PVR: variants seen among roughly 807,000 people sequenced by gnomAD.
PVR encodes poliovirus receptor.
Under a neutral mutation model 43.3 loss-of-function variants are expected in PVR, and 39 were observed. The ratio of observed to expected loss-of-function variants is 0.90; its 90% CI spans 0.70 to 1.18. The LOEUF (loss-of-function observed/expected upper bound fraction) is 1.18, where lower values mean the gene tolerates loss of function less well. Ranked by LOEUF, PVR falls within the 50% of genes most tolerant of loss-of-function variation. The pLI, the probability that PVR is intolerant of heterozygous loss-of-function variation, is 0.00. For missense variants in PVR, 480 were observed against 549.7 expected, an observed-to-expected ratio of 0.87 and a Z score of 1.27; for synonymous variants, 224 against 233.2, an observed-to-expected ratio of 0.96 and a Z score of 0.36.
intron 6 of PVR, among the ~76,000 whole-genome samples, chr19:44,660,688 A>T (rs1439432715): frequency 6.6e-6 from 1 of 151,820 alleles, no homozygotes; most frequent in Non-Finnish European, 1.5e-5. Context: ...ACGCCTGGCT[A>T]ATTTTTTATA....
Position 44,661,935 on chromosome 19 carries a change from C to T in PVR, c.*124C>T. 1 of 883,314 alleles carries T rather than the reference C, an allele frequency of 1.1e-6. No homozygotes were observed. The highest frequency in any genetic ancestry group is 1.8e-6 in the Non-Finnish European group (1 of 564,288). The allele number at this position is 883,314 out of a possible 1,614,324, so 54.7% of individuals were successfully genotyped here. ...GACCAGCCTCCCTCCCTGTGCCAGACCTCAAAACGACGGGGGCAGGTGCAA... is the reference window on the plus strand; with the variant it reads ...GACCAGCCTCCCTCCCTGTGCCAGATCTCAAAACGACGGGGGCAGGTGCAA... On this transcript the variant is annotated 3_prime_UTR_variant, in exon 8 of 8. Transcript: ENST00000425690.
chr19:44,648,948 T>C (rs1167367709), intron 2 of PVR, among the ~76,000 whole-genome samples: 2 of 152,150 alleles, frequency 1.3e-5, no homozygotes, highest in East Asian at 3.9e-4. Flanking sequence ...AGGATGATGA[T>C]TAAGAGATGG....
In PVR at chr19:44,644,114, C is replaced by A. The variant is rs1264487512; in HGVS notation, c.18C>A (p.Ala6=). Residue 6 remains alanine, a synonymous_variant, in exon 1 of 8, where the codon GCC becomes GCA. Coordinates refer to ENST00000425690, the MANE Select transcript of PVR (RefSeq NM_006505.5). The part of the protein sequence containing the change: MARAM[A]AAWPLLLVAL... ...CAACTGGCATGGCCCGAGCCATGGC[C>A]GCCGCGTGGCCGCTGCTGCTGGTGG... 1.3e-6 allele frequency: 2 copies of A among 1,518,258 alleles called. No individual in the cohort carries two copies. The highest frequency in any genetic ancestry group is 1.8e-6 in the Non-Finnish European group (2 of 1,138,752). The allele number at this position is 1,518,258 out of a possible 1,614,324, so 94.0% of individuals were successfully genotyped here.
In PVR at chr19:44,647,440, G is replaced by T; in HGVS notation, c.297G>T (p.Leu99=). The change falls in exon 2 of 8, where the codon CTG becomes CTT. Residue 99 remains leucine (L), a synonymous_variant. Coordinates refer to ENST00000425690, the MANE Select transcript of PVR (RefSeq NM_006505.5). The part of the protein sequence containing the change: ...SKRLEFVAAR[L]GAELRNASLR... Reference sequence around the variant, plus strand: ...GGCTGGAATTCGTGGCAGCCAGACTGGGCGCGGAGCTGCGGAATGCCTCGC... The same window carrying T: ...GGCTGGAATTCGTGGCAGCCAGACTTGGCGCGGAGCTGCGGAATGCCTCGC... The T allele has an allele frequency of 6.2e-7, 1 of 1,614,098 alleles. No homozygotes were observed. The highest frequency in any genetic ancestry group is 1.1e-5 in the South Asian group (1 of 91,068).
chr19:44,657,866 A>G lies in PVR; in HGVS notation c.947A>G (p.Asn316Ser), dbSNP rs138415573. The G allele has an allele frequency of 2.6e-4, 414 of 1,613,958 alleles. No individual in the cohort carries two copies. The African/African-American group carries it at 4.6e-3, about 18-fold the overall frequency. Residue 316 changes from asparagine to serine, a missense_variant, in exon 5 of 8, where the codon AAT (asparagine) becomes AGT (serine). Asn to Ser is a conservative substitution (Grantham distance 46). Coordinates refer to ENST00000425690, the MANE Select transcript of PVR (RefSeq NM_006505.5). ...ACAACTTTAATCTGCAACGTCACCA[A>G]TGCCCTAGGAGCTCGCCAGGCAGAA... ...INTTLICNVT[N>S]ALGARQAELT...
intron 4 of PVR, among the ~76,000 whole-genome samples, chr19:44,656,394 G>T (rs148952327): frequency 6.6e-6 from 1 of 152,192 alleles, no homozygotes; most frequent in Non-Finnish European, 1.5e-5. Flanking sequence ...TCAAAGCACC[G>T]CAATTCAGGC....
intron 7 of PVR, among the ~76,000 whole-genome samples, chr19:44,661,524 G>A (rs1973589695): frequency 6.6e-6 from 1 of 152,086 alleles, no homozygotes; most frequent in African/African-American, 2.4e-5. Flanking sequence ...GGTCTGTGAT[G>A]GGGCCAGGGA....
chr19:44,647,077 T>TTCCCCCCCC, intron 1 of PVR, 146 bp from the exon 2 acceptor site: 1 of 311,374 alleles, frequency 3.2e-6, no homozygotes, highest in Non-Finnish European at 5.7e-6. Context: ...GTGCCCCAGT[T>TTCCCCCCCC]CCCCCTCCCC....
In PVR at chr19:44,658,917, C is replaced by G. The variant is rs1973526039; in HGVS notation, c.1150+17C>G. On this transcript the variant is annotated intron_variant, in intron 6 of 7. Transcript: ENST00000425690. The stretch of plus-strand genomic sequence containing the variant: ...GTCCCTCGAGTGAGCATCACCAGAG[C>G]TGCCGTAATTGAGCACCTACTACGG... The G allele has an allele frequency of 6.2e-7, 1 of 1,611,790 alleles. No individual in the cohort carries two copies. The highest frequency in any genetic ancestry group is 1.1e-5 in the South Asian group (1 of 90,872).
At chr19:44,650,202 A>T in intron 3 of PVR, 97 bp downstream of exon 3, 1 of 1,207,174 alleles carries the variant, frequency 8.3e-7, no homozygotes, top group Non-Finnish European at 1.1e-6. Context: ...CATTGCTTCC[A>T]TCATCTGCAC....
chr19:44,662,076 TCAG>T lies in PVR; in HGVS notation c.*268_*270del. ...TACAGTAAAAGGACAGAGATTAAGATCAGCAAAGGGAGGAGGTGCACAGCACAC... is the reference window on the plus strand; with the variant it reads ...TACAGTAAAAGGACAGAGATTAAGATCAAAGGGAGGAGGTGCACAGCACAC... On this transcript the variant is annotated 3_prime_UTR_variant, in exon 8 of 8. Transcript: ENST00000425690. The T allele has an allele frequency of 2.0e-6, 1 of 492,658 alleles. No individual in the cohort carries two copies. Among genetic ancestry groups the T allele is most frequent in the South Asian group, 2.7e-5 (1 of 37,272 alleles). 30.5% of individuals were successfully genotyped at this position (492,658 alleles called of 1,614,324 possible).
chr19:44,649,696 T>C (rs972385051), intron 2 of PVR, 113 bp from the exon 3 acceptor site: 4 of 1,170,550 alleles, frequency 3.4e-6, no homozygotes, highest in Non-Finnish European at 4.9e-6. Flanking sequence ...TCTGGGATTA[T>C]AGGCGTGAGC....
chr19:44,644,322 A>G, intron 1 of PVR, 147 bp downstream of exon 1: 2 of 613,134 alleles, frequency 3.3e-6, no homozygotes, highest in Non-Finnish European at 5.3e-6. Flanking sequence ...TGGAAGGAAC[A>G]CGGTGCGAGG....
chr19:44,651,711 A>G (rs575293139), intron 3 of PVR, among the ~76,000 whole-genome samples: 1 of 152,100 alleles, frequency 6.6e-6, no homozygotes, highest in East Asian at 1.9e-4. Context: ...CGTTACCTCC[A>G]CCAGCTCCCT....
intron 3 of PVR, among the ~76,000 whole-genome samples, chr19:44,651,482 C>T (rs1973279165): frequency 6.6e-6 from 1 of 152,158 alleles, no homozygotes; most frequent in Non-Finnish European, 1.5e-5. Flanking sequence ...CTGTCTCCGC[C>T]GGGTGCTAGT....
rs775167586 is a variant in PVR, at chr19:44,649,909, A to G, written c.528A>G (p.Gln176=). ...CCACAGGGGGTCGCCCGCCAGCCCA[A>G]ATCACCTGGCACTCAGACCTGGGCG... is the stretch of plus-strand genomic sequence containing the variant. ...CVSTGGRPPA[Q]ITWHSDLGGM... The change falls in exon 3 of 8, where the codon CAA becomes CAG. Residue 176 remains glutamine, a synonymous_variant. Coordinates refer to ENST00000425690, the MANE Select transcript of PVR (RefSeq NM_006505.5). 11 of 1,613,586 alleles carry G rather than the reference A, an allele frequency of 6.8e-6. No homozygotes were observed. The African/African-American group carries it at 9.3e-5, about 14-fold the overall frequency.
chr19:44,662,989 T>C lies in PVR; in HGVS notation c.*1178T>C, dbSNP rs1333634894. The C allele has an allele frequency of 6.6e-6, 1 of 152,108 alleles. No individual in the cohort carries two copies. The highest frequency in any genetic ancestry group is 1.5e-5 in the Non-Finnish European group (1 of 68,046). 9.4% of individuals were successfully genotyped at this position (152,108 alleles called of 1,614,324 possible). A position where few individuals can be genotyped will look rare whatever the true frequency, so the allele number is the denominator to read the frequency against. On this transcript the variant is annotated 3_prime_UTR_variant, in exon 8 of 8. Coordinates refer to ENST00000425690, the MANE Select transcript of PVR (RefSeq NM_006505.5). ...AAGGTTGTCAGCTGCAGCCACTTTC[T>C]GCCAGCATCTGCAGCCACTTTCTGC... is the stretch of plus-strand genomic sequence containing the variant.
chr19:44,646,469 A>G (rs1041831286), intron 1 of PVR, among the ~76,000 whole-genome samples: 3 of 152,200 alleles, frequency 2.0e-5, no homozygotes, highest in Admixed American at 2.0e-4. Context: ...CACTGGTGCG[A>G]TGAAAAAGTT....
intron 4 of PVR, among the ~76,000 whole-genome samples, chr19:44,657,463 C>G (rs1032468039): frequency 6.6e-6 from 1 of 152,180 alleles, no homozygotes; most frequent in Non-Finnish European, 1.5e-5. Context: ...AGGGCAGAAA[C>G]GGAGCCCAGC....
Sources: allele counts gnomAD v4.1 joint callset (sites outside exome capture counted in the v4.1 genomes callset), GRCh38; gene constraint gnomAD v4.1.1; transcripts MANE v1.5; gene names NCBI Gene and HGNC (gene_info 2026-07-23, HGNC 2026-07-21).